Variants in TENM1 observed in about 807,000 individuals in gnomAD.
The protein encoded by TENM1 is teneurin transmembrane protein 1, also known as teneurin-1.
A neutral mutation model predicts 174.8 loss-of-function variants in TENM1; 35 were observed. The ratio of observed to expected loss-of-function variants is 0.20; its 90% CI spans 0.15 to 0.27. TENM1 has a LOEUF of 0.27. Ranked by LOEUF, TENM1 falls within the 10% of genes least tolerant of loss-of-function variation. The pLI is 1.00. For synonymous variants in TENM1, 781 were observed against 798.7 expected (o/e 0.98, Z 0.37); for missense variants, 1,633 against 2,130.1 (o/e 0.77, Z 4.59).
At chrX:124,606,228 A>G (rs1255025184) in intron 11 of TENM1, among the ~76,000 whole-genome samples, 2 of 111,032 alleles carry the variant, frequency 1.8e-5, no homozygotes, top group Non-Finnish European at 3.8e-5. Flanking sequence ...TCTTTTAACA[A>G]TATTCTAGGT....
intron 15 of TENM1, among the ~76,000 whole-genome samples, chrX:124,538,956 A>G (rs1434547879): frequency 9.0e-6 from 1 of 111,521 alleles, no homozygotes; most frequent in African/African-American, 3.3e-5. Flanking sequence ...TCTGTCATGC[A>G]TGAGTTAAGT....
At chrX:125,194,893 AACTG>A in the TENM1 span, among the ~76,000 whole-genome samples, 8 of 112,080 alleles carry the variant, frequency 7.1e-5, no homozygotes, top group South Asian at 7.3e-4. Context: ...CAATTCAAAT[AACTG>A]ACTATTTATA....
At chrX:125,046,931 A>C in the TENM1 span, among the ~76,000 whole-genome samples, 5 of 109,421 alleles carry the variant, frequency 4.6e-5, no homozygotes, top group Admixed American at 4.9e-4. Flanking sequence ...TAAGTAAATG[A>C]GGCTTATTAC....
intron 26 of TENM1, 70 bp downstream of exon 29, chrX:124,406,247 G>A (rs2060460580): frequency 7.1e-6 from 6 of 844,197 alleles, no homozygotes; most frequent in South Asian, 4.7e-5. Context: ...TATGAATGGT[G>A]TACGCAGGTT....
intron 12 of TENM1, among the ~76,000 whole-genome samples, chrX:124,564,474 A>G (rs1336474808): frequency 9.0e-6 from 1 of 111,628 alleles, no homozygotes; most frequent in Non-Finnish European, 1.9e-5. Context: ...CCAGAGGCCC[A>G]CATTTGCCTT....
chrX:124,984,864 G>T, the TENM1 span, among the ~76,000 whole-genome samples: 1 of 111,784 alleles, frequency 8.9e-6, no homozygotes, highest in Non-Finnish European at 1.9e-5. Context: ...CCTCTAATAG[G>T]TTTCACTGAT....
At chrX:124,918,581 A>T (rs763482786) in intron 1 of TENM1, among the ~76,000 whole-genome samples, 1 of 111,017 alleles carries the variant, frequency 9.0e-6, no homozygotes. Context: ...AAAAAAAAAA[A>T]AAAAATACTA....
intron 11 of TENM1, among the ~76,000 whole-genome samples, chrX:124,582,344 T>C (rs1185679894): frequency 2.7e-5 from 3 of 112,292 alleles, no homozygotes; most frequent in African/African-American, 9.7e-5. Context: ...ATTGAATCAA[T>C]GGATTCTTCC....
intron 5 of TENM1, among the ~76,000 whole-genome samples, chrX:124,694,806 C>T (rs958810058): frequency 2.7e-5 from 3 of 111,898 alleles, no homozygotes; most frequent in Admixed American, 9.5e-5. Flanking sequence ...TCCAGGTGTA[C>T]TAACAGGGTG....
intron 27 of TENM1, among the ~76,000 whole-genome samples, chrX:124,400,909 T>C (rs1022065601): frequency 2.7e-5 from 3 of 112,280 alleles, no homozygotes; most frequent in Admixed American, 9.4e-5. Flanking sequence ...CAAAAGTGCC[T>C]TGCAAGGAAG....
chrX:124,535,281 A>T (rs1050289771), intron 15 of TENM1, among the ~76,000 whole-genome samples: 17 of 111,750 alleles, frequency 1.5e-4, no homozygotes, highest in Non-Finnish European at 3.2e-4. Context: ...TAACATACTC[A>T]GCCAATTAAG....
intron 4 of TENM1, among the ~76,000 whole-genome samples, chrX:124,728,577 C>T (rs1014407714): frequency 1.1e-4 from 12 of 111,174 alleles, no homozygotes; most frequent in African/African-American, 3.9e-4. Flanking sequence ...AGGGAAATTT[C>T]GACTTTCCCC....
At chrX:124,571,398 T>C (rs1319192156) in intron 11 of TENM1, among the ~76,000 whole-genome samples, 1 of 111,026 alleles carries the variant, frequency 9.0e-6, no homozygotes, top group Non-Finnish European at 1.9e-5. Context: ...AGAAGAAGAA[T>C]TGAAATCTAA....
At chrX:124,503,134 C>T (rs2047369739) in intron 19 of TENM1, among the ~76,000 whole-genome samples, 1 of 111,439 alleles carries the variant, frequency 9.0e-6, no homozygotes, top group Admixed American at 9.6e-5. Flanking sequence ...TATGATTTCA[C>T]AGTAGACGCT....
intron 11 of TENM1, among the ~76,000 whole-genome samples, chrX:124,570,786 T>C (rs772755012): frequency 2.7e-5 from 3 of 111,369 alleles, no homozygotes; most frequent in African/African-American, 9.7e-5. Flanking sequence ...TGATAAAGAG[T>C]AGCTACAACA....
intron 28 of TENM1, among the ~76,000 whole-genome samples, chrX:124,389,220 C>T (rs996192287): frequency 4.4e-5 from 5 of 112,425 alleles, no homozygotes; most frequent in African/African-American, 6.5e-5. Context: ...TAGAAGAAGT[C>T]AAACTATTTT....
At chrX:124,718,578 A>C (rs191708553) in intron 4 of TENM1, among the ~76,000 whole-genome samples, 124 of 112,502 alleles carry the variant, frequency 1.1e-3, no homozygotes, top group African/African-American at 3.9e-3. Context: ...TTGCATTAAA[A>C]GTAAAGCAAT....
the TENM1 span, among the ~76,000 whole-genome samples, chrX:125,117,552 G>A: frequency 3.6e-4 from 40 of 110,850 alleles, no homozygotes; most frequent in African/African-American, 7.6e-4. Context: ...GGCCTGTCAG[G>A]GGGTAGGGGA....
At chrX:124,966,080 G>A (rs1458459111), upstream of TENM1, among the ~76,000 whole-genome samples, 1 of 111,676 alleles carries the variant, frequency 9.0e-6, no homozygotes, top group Non-Finnish European at 1.9e-5. Flanking sequence ...AATCCTGTTG[G>A]TCTTGCCTTT....
Sources: allele counts gnomAD v4.1 joint callset (sites outside exome capture counted in the v4.1 genomes callset), GRCh38; gene constraint gnomAD v4.1.1; transcripts MANE v1.5; gene names NCBI Gene and HGNC (gene_info 2026-07-23, HGNC 2026-07-21).